The following CHD8 variants were observed in gnomAD, a reference collection of about 807,000 sequenced individuals.
CHD8 encodes ATP-dependent chromatin remodeler CHD8.
In CHD8, 31 loss-of-function variants were observed where a neutral mutation model predicts 279.2. The ratio of observed to expected loss-of-function variants is 0.11; its 90% CI spans 0.08 to 0.15. The LOEUF is 0.15. Among genes scored for constraint, CHD8 ranks in the 10% least tolerant of loss-of-function variants. CHD8 has a pLI of 1.00. For missense variants in CHD8, 2,146 were observed against 3,230.5 expected (o/e 0.66, Z 8.14); for synonymous variants, 1,081 against 1,139.6 (o/e 0.95, Z 1.04).
rs373023508 is a variant in CHD8, at chr14:21,394,504, G to A, written c.5391-19C>T. Reference sequence around the variant, plus strand: ...TGTCCATCTACAAAAGGAAAAGTAGGGCAACAATAATCAGAAGAACACATC... The same window carrying A: ...TGTCCATCTACAAAAGGAAAAGTAGAGCAACAATAATCAGAAGAACACATC... On this transcript the variant is annotated intron_variant, in intron 30 of 37. Coordinates refer to ENST00000646647, the MANE Select transcript of CHD8 (RefSeq NM_001170629.2). The A allele has an allele frequency of 3.9e-6, 6 of 1,527,222 alleles. No homozygotes were observed. The highest frequency in any genetic ancestry group is 4.5e-6 in the Non-Finnish European group (5 of 1,120,906). 94.6% of individuals were successfully genotyped at this position (1,527,222 alleles called of 1,614,324 possible).
rs139044726 is a variant in CHD8 at position 21,403,308 on chromosome 14, G to T, written c.3519-96C>A. On this transcript the variant is annotated intron_variant, in intron 17 of 37. Transcript: ENST00000646647. The surrounding 1 kb of genome is among the most constrained non-coding windows in gnomAD (Gnocchi z 4.3). ...TCAATACCAGTACTCCCATATCAAA[G>T]CTGGTCAAAAACCCAAGTTGAGAGT... is the stretch of plus-strand genomic sequence containing the variant. The T allele has an allele frequency of 3.6e-4, 489 of 1,351,726 alleles. 2 individuals carry two copies. In the East Asian group the frequency reaches 0.012, roughly 32 times the overall value. The allele number at this position is 1,351,726 out of a possible 1,614,324, so 83.7% of individuals were successfully genotyped here. A position where few individuals can be genotyped will look rare whatever the true frequency, so the allele number is the denominator to read the frequency against.
At chr14:21,439,248 T>C (rs969277412) in intron 1 of CHD8, among the ~76,000 whole-genome samples, 4 of 152,212 alleles carry the variant, frequency 2.6e-5, no homozygotes, top group Admixed American at 2.6e-4. Flanking sequence ...CAACTTGCTT[T>C]AGATGTCTTA....
At chr14:21,416,517 G>C (rs1191944697) in intron 5 of CHD8, 5 of 152,248 alleles carry the variant, frequency 3.3e-5, no homozygotes, top group Non-Finnish European at 7.3e-5. Flanking sequence ...TGTAATACCA[G>C]CACTGTGGGA....
intron 5 of CHD8, among the ~76,000 whole-genome samples, chr14:21,421,549 G>C (rs1157184353): frequency 6.6e-6 from 1 of 151,892 alleles, no homozygotes; most frequent in Non-Finnish European, 1.5e-5. Flanking sequence ...AATTTCCTAG[G>C]TGCAGAATCA....
In CHD8 at chr14:21,397,914, A is replaced by G. The variant is rs1345035291; in HGVS notation, c.4960T>C (p.Leu1654=). 2 of 1,611,294 alleles carry G rather than the reference A, an allele frequency of 1.2e-6. No individual in the cohort carries two copies. The highest frequency in any genetic ancestry group is 1.7e-6 in the Non-Finnish European group (2 of 1,178,564). The change falls in exon 27 of 38, where the codon TTA becomes CTA. Residue 1654 remains leucine, a synonymous_variant. Transcript: ENST00000646647. ...CGGCCAGCCTTTTCTAGGAAACATAAGGCTGGGTCTGCCCTCATGGTATTA... is the reference window on the plus strand; with the variant it reads ...CGGCCAGCCTTTTCTAGGAAACATAGGGCTGGGTCTGCCCTCATGGTATTA... ...KYNTMRADPA[L]CFLEKAGRPD...
In CHD8 at chr14:21,428,137, C is replaced by T; in HGVS notation, c.1333G>A (p.Gly445Arg). The T allele has an allele frequency of 6.2e-7, 1 of 1,613,892 alleles. No individual in the cohort carries two copies. The highest frequency in any genetic ancestry group is 2.2e-5 in the East Asian group (1 of 44,902). The part of the protein sequence containing the change: ...SSAPHSGGKT[G>R]MEENRRLEHQ... ...TCCAATCTGCGGTTTTCCTCCATTC[C>T]TGTCTTTCCCCCCGAATGAGGAGCA... is the stretch of plus-strand genomic sequence containing the variant. Residue 445 changes from glycine to arginine, a missense_variant, in exon 4 of 38, where the codon GGA (glycine) becomes AGA (arginine). By Grantham distance (125) the Gly-to-Arg change is moderately radical. Coordinates refer to ENST00000646647, the MANE Select transcript of CHD8 (RefSeq NM_001170629.2).
intron 2 of CHD8, 184 bp downstream of exon 2, chr14:21,430,617 A>T (rs923353304): frequency 1.9e-5 from 11 of 575,900 alleles, no homozygotes; most frequent in Non-Finnish European, 3.4e-5. Context: ...CTCAAAAAAT[A>T]TGTTAACATT....
chr14:21,437,716 C>T (rs571270258), intron 1 of CHD8, among the ~76,000 whole-genome samples: 11 of 152,268 alleles, frequency 7.2e-5, no homozygotes, highest in Non-Finnish European at 1.0e-4. Context: ...TTCCCTCCAT[C>T]GTGGGAGTCA....
intron 3 of CHD8, 122 bp from the exon 4 acceptor site, chr14:21,428,376 C>T: frequency 3.4e-6 from 3 of 886,102 alleles, no homozygotes; most frequent in Non-Finnish European, 5.1e-6. Context: ...CAAGCTCAGA[C>T]TAAATCTTAT....
chr14:21,422,242 G>A (rs1889078064), intron 5 of CHD8, among the ~76,000 whole-genome samples: 1 of 152,148 alleles, frequency 6.6e-6, no homozygotes, highest in Non-Finnish European at 1.5e-5. Context: ...TCGGGAGGCT[G>A]AGGCAGGAGA....
chr14:21,413,151 C>T (rs1266582400), intron 9 of CHD8, 155 bp from the exon 10 acceptor site: 4 of 632,726 alleles, frequency 6.3e-6, no homozygotes, highest in Non-Finnish European at 1.1e-5. Flanking sequence ...AACAGCAAAT[C>T]CTATGAATTT....
intron 36 of CHD8, among the ~76,000 whole-genome samples, 171 bp downstream of exon 36, chr14:21,391,292 T>G (rs1325834100): frequency 2.0e-5 from 3 of 152,226 alleles, no homozygotes; most frequent in Non-Finnish European, 2.9e-5. Context: ...AACATTATTT[T>G]ATTTTGGGCA....
At position 21,391,985 on chromosome 14, in the gene CHD8, A is replaced by G. The variant is rs923855436; in HGVS notation, c.6772-39T>C. 3.6e-6 allele frequency: 5 copies of G among 1,405,630 alleles called. No homozygotes were observed. In the Admixed American group the frequency reaches 5.1e-5, roughly 14 times the overall value. 87.1% of individuals were successfully genotyped at this position (1,405,630 alleles called of 1,614,324 possible). ...CCACCCACCCAAGACATCATATGGT[A>G]CATGTTTTTCAAAGTAAAGATTAAG... On this transcript the variant is annotated intron_variant, in intron 34 of 37. Transcript: ENST00000646647.
rs1888279977 is a variant in CHD8, at chr14:21,407,014, C to T, written c.2749G>A (p.Ala917Thr). Residue 917 changes from alanine to threonine, a missense_variant, in exon 14 of 38, where the codon GCA becomes ACA. Physicochemically the swap from Ala to Thr is moderately conservative, Grantham distance 58 (BLOSUM62 0). Around this residue, in one of 26 missense-constraint regions of CHD8, gnomAD observed 211 missense variants for 464.7 expected, o/e 0.45. Coordinates refer to ENST00000646647, the MANE Select transcript of CHD8 (RefSeq NM_001170629.2). ...KDSRGRLIPG[A>T]YKFDALITTF... ...GTGATCAGAGCGTCAAACTTGTATG[C>T]GCCTGGGATGAGGCGTCCCTAAGCA... is the stretch of plus-strand genomic sequence containing the variant. The T allele has an allele frequency of 3.1e-6, 5 of 1,587,802 alleles. No homozygotes were observed. The highest frequency in any genetic ancestry group is 1.3e-5 in the African/African-American group (1 of 74,514).
intron 37 of CHD8, among the ~76,000 whole-genome samples, chr14:21,388,483 TTTTA>T (rs201103994): frequency 0.048 from 7,321 of 152,140 alleles, 286 homozygotes; most frequent in African/African-American, 0.11. Context: ...TACTACATGA[TTTTA>T]TTTATTTATT....
chr14:21,424,992 A>G (rs1397140455), intron 5 of CHD8, among the ~76,000 whole-genome samples: 2 of 152,144 alleles, frequency 1.3e-5, no homozygotes, highest in Non-Finnish European at 2.9e-5. Flanking sequence ...GGGTCTCCTT[A>G]ATCAGATTTT....
intron 10 of CHD8, among the ~76,000 whole-genome samples, chr14:21,410,816 C>T (rs1888458349): frequency 6.6e-6 from 1 of 152,192 alleles, no homozygotes; most frequent in Non-Finnish European, 1.5e-5. Context: ...TCAAGGTAGT[C>T]ACAGATCTCG....
intron 27 of CHD8, 88 bp from the exon 28 acceptor site, chr14:21,395,980 A>C: frequency 1.2e-6 from 1 of 821,576 alleles, no homozygotes; most frequent in South Asian, 1.5e-5. Context: ...CCACACATAT[A>C]TCCAGCATGA....
chr14:21,445,898 G>T (rs912980267), intron 1 of CHD8, among the ~76,000 whole-genome samples: 7 of 152,082 alleles, frequency 4.6e-5, no homozygotes, highest in Admixed American at 2.0e-4. Context: ...TACTCGGGAG[G>T]CTGAGGCAGG....
Sources: allele counts gnomAD v4.1 joint callset (sites outside exome capture counted in the v4.1 genomes callset), GRCh38; gene constraint gnomAD v4.1.1; regional missense constraint gnomAD v4.1.1; non-coding constraint Gnocchi (gnomAD v3.1); transcripts MANE v1.5; gene names NCBI Gene and HGNC (gene_info 2026-07-23, HGNC 2026-07-21).